Variants in FHIT observed in about 807,000 individuals in gnomAD.
FHIT encodes the protein fragile histidine triad diadenosine triphosphatase.
Under a neutral mutation model 17.9 loss-of-function variants are expected in FHIT, and 19 were observed. The observed-to-expected ratio is 1.06, with a 90% CI of 0.74 to 1.56. The LOEUF (loss-of-function observed/expected upper bound fraction) is 1.56, where lower values mean the gene tolerates loss of function less well. Ranked by LOEUF, FHIT falls within the 40% of genes most tolerant of loss-of-function variation. The pLI is 0.00. For missense variants in FHIT, 248 were observed against 189.2 expected (o/e 1.31, Z -1.82); for synonymous variants, 81 against 69.7 (o/e 1.16, Z -0.81).
chr3:60,284,067 G>A (rs1435704061), intron 5 of FHIT, among the ~76,000 whole-genome samples: 3 of 151,970 alleles, frequency 2.0e-5, no homozygotes, highest in Non-Finnish European at 2.9e-5. Flanking sequence ...TGGCATTTCA[G>A]AATCATAAAA....
chr3:60,507,206 A>G (rs1265355439), intron 5 of FHIT, among the ~76,000 whole-genome samples: 1 of 152,196 alleles, frequency 6.6e-6, no homozygotes, highest in African/African-American at 2.4e-5. Flanking sequence ...TGGTAGAATG[A>G]ACAGGAGTTA....
intron 5 of FHIT, among the ~76,000 whole-genome samples, chr3:60,366,239 A>C (rs575264327): frequency 2.6e-5 from 4 of 152,202 alleles, no homozygotes; most frequent in Admixed American, 6.5e-5. Flanking sequence ...GCAGTGGTGC[A>C]ATCTCAGCTC....
intron 5 of FHIT, among the ~76,000 whole-genome samples, chr3:60,319,822 C>G (rs558830339): frequency 6.6e-6 from 1 of 152,222 alleles, no homozygotes; most frequent in Non-Finnish European, 1.5e-5. Flanking sequence ...TCTTTTCATG[C>G]CAGGATGGAC....
intron 5 of FHIT, among the ~76,000 whole-genome samples, chr3:60,102,479 T>A (rs13060426): frequency 8.1e-4 from 123 of 152,320 alleles, no homozygotes; most frequent in Non-Finnish European, 1.4e-3. Flanking sequence ...CAGAATGATC[T>A]GGGGGTTCTT....
Position 59,987,152 on chromosome 3 carries a change from T to TATAGACATAAA in FHIT, c.279+24208_279+24218dup, listed in dbSNP as rs1285880060. ...ATAAAATATATAATTATATAAATAA[T>TATAGACATAAA]ATAGACATAAAAATATATATTTATA... On this transcript the variant is annotated intron_variant, in intron 7 of 9. Coordinates refer to ENST00000492590, the MANE Select transcript of FHIT (RefSeq NM_002012.4). Among the ~76,000 whole-genome samples the TATAGACATAAA allele has an allele frequency of 2.1e-5, 3 of 144,790 alleles. No individual in the cohort carries two copies. The Admixed American group carries it at 2.1e-4, about 10-fold the overall frequency. The allele number at this position is 144,790 out of a possible 152,430, so 95.0% of individuals were successfully genotyped here. A position where few individuals can be genotyped will look rare whatever the true frequency, so the allele number is the denominator to read the frequency against.
intron 3 of FHIT, among the ~76,000 whole-genome samples, chr3:60,873,870 CAA>C (rs1704527945): frequency 6.6e-6 from 1 of 152,130 alleles, no homozygotes; most frequent in Non-Finnish European, 1.5e-5. Context: ...ATAGAAAGTG[CAA>C]CAGCAAGGTA....
chr3:60,243,152 A>C (rs962810951), intron 5 of FHIT, among the ~76,000 whole-genome samples: 7 of 152,012 alleles, frequency 4.6e-5, no homozygotes, highest in Non-Finnish European at 1.0e-4. Context: ...AGGGTGGTCT[A>C]TGATTAAACA....
intron 4 of FHIT, among the ~76,000 whole-genome samples, chr3:60,710,745 C>T (rs2041504988): frequency 6.6e-6 from 1 of 152,186 alleles, no homozygotes; most frequent in African/African-American, 2.4e-5. Flanking sequence ...TGCCCAGGCT[C>T]ACTTAGGTAA....
chr3:60,218,022 T>C (rs1703777553), intron 5 of FHIT, among the ~76,000 whole-genome samples: 1 of 152,216 alleles, frequency 6.6e-6, no homozygotes, highest in African/African-American at 2.4e-5. Context: ...TTGTTAATTC[T>C]TGTTTAAAAA....
intron 5 of FHIT, among the ~76,000 whole-genome samples, chr3:60,498,120 T>C (rs894579337): frequency 1.3e-5 from 2 of 152,192 alleles, no homozygotes; most frequent in Non-Finnish European, 2.9e-5. Flanking sequence ...GGCAGGGAGC[T>C]AGACTTGGCT....
intron 5 of FHIT, among the ~76,000 whole-genome samples, chr3:60,220,092 T>C (rs1425832769): frequency 6.6e-6 from 1 of 152,142 alleles, no homozygotes; most frequent in Non-Finnish European, 1.5e-5. Context: ...GAATTTTAGA[T>C]CTAAATTTCT....
intron 7 of FHIT, among the ~76,000 whole-genome samples, chr3:60,002,430 G>C (rs1341849441): frequency 6.6e-6 from 1 of 152,114 alleles, no homozygotes; most frequent in Non-Finnish European, 1.5e-5. Flanking sequence ...TTGGAGAACG[G>C]ATCTATTAGA....
intron 4 of FHIT, among the ~76,000 whole-genome samples, chr3:60,793,964 G>C (rs1700882562): frequency 6.6e-6 from 1 of 152,168 alleles, no homozygotes; most frequent in Non-Finnish European, 1.5e-5. Flanking sequence ...CCAGGGCAGT[G>C]CTCCGACACC....
At chr3:60,257,992 G>T (rs1391893969) in intron 5 of FHIT, among the ~76,000 whole-genome samples, 1 of 151,112 alleles carries the variant, frequency 6.6e-6, no homozygotes, top group South Asian at 2.1e-4. Context: ...AAACCACCAT[G>T]GCACATGTTT....
intron 5 of FHIT, among the ~76,000 whole-genome samples, chr3:60,527,570 T>C (rs910041408): frequency 1.3e-5 from 2 of 152,160 alleles, no homozygotes; most frequent in African/African-American, 4.8e-5. Context: ...CCTGGCCCCA[T>C]ATAGATGGCA....
intron 3 of FHIT, among the ~76,000 whole-genome samples, chr3:61,015,299 C>T (rs138337081): frequency 1.3e-5 from 2 of 152,056 alleles, no homozygotes; most frequent in Non-Finnish European, 2.9e-5. Context: ...CTCTGACCAG[C>T]CTCTCTGTAT....
intron 5 of FHIT, among the ~76,000 whole-genome samples, chr3:60,305,438 C>T (rs914284241): frequency 2.6e-5 from 4 of 151,976 alleles, no homozygotes; most frequent in African/African-American, 9.7e-5. Context: ...TTAAATTCTT[C>T]TTCTCTCTTC....
chr3:60,707,247 C>T (rs1342349562), intron 4 of FHIT, among the ~76,000 whole-genome samples: 1 of 152,144 alleles, frequency 6.6e-6, no homozygotes, highest in African/African-American at 2.4e-5. Context: ...AAAATGGAAA[C>T]CGTGATGACA....
At chr3:60,878,465 C>A (rs1704777112) in intron 3 of FHIT, among the ~76,000 whole-genome samples, 1 of 152,028 alleles carries the variant, frequency 6.6e-6, no homozygotes, top group African/African-American at 2.4e-5. Context: ...CATTAACAAC[C>A]TATGTTGTCA....
Sources: allele counts gnomAD v4.1 joint callset (sites outside exome capture counted in the v4.1 genomes callset), GRCh38; gene constraint gnomAD v4.1.1; transcripts MANE v1.5; gene names NCBI Gene and HGNC (gene_info 2026-07-23, HGNC 2026-07-21).